KCNK10: variants seen among roughly 807,000 people sequenced by gnomAD.
KCNK10 encodes the protein potassium two pore domain channel subfamily K member 10, also known as potassium channel subfamily K member 10.
KCNK10 carries 25 observed loss-of-function variants against 47.7 expected under a neutral mutation model. That is an observed-to-expected ratio of 0.52 (90% CI 0.38 to 0.73). KCNK10 has a LOEUF of 0.73. Among genes scored for constraint, KCNK10 ranks in the 30% least tolerant of loss-of-function variants. KCNK10 has a pLI of 0.00. For synonymous variants in KCNK10, 303 were observed against 285.6 expected, an observed-to-expected ratio of 1.06 and a Z score of -0.61; for missense variants, 563 against 714.5, an observed-to-expected ratio of 0.79 and a Z score of 2.42.
intron 1 of KCNK10, among the ~76,000 whole-genome samples, chr14:88,310,766 A>AC (rs555133421): frequency 1.9e-4 from 29 of 152,204 alleles, no homozygotes; most frequent in African/African-American, 6.7e-4. Context: ...AAGGAGAAAT[A>AC]CCCCAATGTT....
At chr14:88,308,618 TGTACTCAA>T (rs1888249164) in intron 1 of KCNK10, among the ~76,000 whole-genome samples, 1 of 152,282 alleles carries the variant, frequency 6.6e-6, no homozygotes. Flanking sequence ...TCATGCAACG[TGTACTCAA>T]GTACCTCACA....
chr14:88,185,326 T>G lies in KCNK10; in HGVS notation c.*209A>C. 2.9e-6 allele frequency: 2 copies of G among 688,134 alleles called. No homozygotes were observed. Among genetic ancestry groups the G allele is most frequent in the East Asian group, 6.0e-5 (2 of 33,470 alleles). The allele number at this position is 688,134 out of a possible 1,614,324, so 42.6% of individuals were successfully genotyped here. A position where few individuals can be genotyped will look rare whatever the true frequency, so the allele number is the denominator to read the frequency against. ...GTGCACGGACACTCTTGGTGTGTCC[T>G]GCGTTTGCTATCTGAAATGAAGTTC... On this transcript the variant is annotated 3_prime_UTR_variant, in exon 7 of 7. Coordinates refer to ENST00000319231, the MANE Select transcript of KCNK10 (RefSeq NM_138317.3). This position sits in a 1 kb window ranked among gnomAD's most constrained non-coding sequence, Gnocchi z 4.3.
chr14:88,318,876 T>G (rs1352034243), intron 1 of KCNK10, among the ~76,000 whole-genome samples: 2 of 152,152 alleles, frequency 1.3e-5, no homozygotes, highest in Non-Finnish European at 2.9e-5. Flanking sequence ...AAATCCAAAG[T>G]TTTTTTACAC....
rs929041918 is a variant in KCNK10 at position 88,183,207 on chromosome 14, T to C, written c.*2328A>G. On this transcript the variant is annotated 3_prime_UTR_variant, in exon 7 of 7. Coordinates refer to ENST00000319231, the MANE Select transcript of KCNK10 (RefSeq NM_138317.3). ...GCTTCCCTGAGCCTCTGTGTCCTTG[T>C]GTATATAATGGGTTTGCAAATACTT... 6.6e-6 allele frequency: 1 copy of C among 152,238 alleles called. No individual in the cohort carries two copies. The highest frequency in any genetic ancestry group is 1.5e-5 in the Non-Finnish European group (1 of 68,044). The allele number at this position is 152,238 out of a possible 1,614,324, so 9.4% of individuals were successfully genotyped here.
At chr14:88,237,791 T>C (rs991300327) in intron 3 of KCNK10, among the ~76,000 whole-genome samples, 1 of 152,150 alleles carries the variant, frequency 6.6e-6, no homozygotes, top group Non-Finnish European at 1.5e-5. Flanking sequence ...GGCTTTGAAG[T>C]TCCATTTATA....
chr14:88,276,687 A>G (rs906593903), intron 1 of KCNK10, among the ~76,000 whole-genome samples: 2 of 152,334 alleles, frequency 1.3e-5, no homozygotes, highest in African/African-American at 4.8e-5. Flanking sequence ...ATATCCCTGT[A>G]TAATATTCCT....
chr14:88,204,777 AG>A (rs1885211529), intron 4 of KCNK10, among the ~76,000 whole-genome samples: 1 of 152,158 alleles, frequency 6.6e-6, no homozygotes, highest in South Asian at 2.1e-4. Flanking sequence ...ATTAAGAGAA[AG>A]GTACAGAGAT....
chr14:88,187,103 G>A (rs2139821150), intron 6 of KCNK10, among the ~76,000 whole-genome samples: 2 of 152,284 alleles, frequency 1.3e-5, no homozygotes, highest in Middle Eastern at 3.4e-3. Context: ...TCTGGAAATT[G>A]CATTGCTTAC....
intron 4 of KCNK10, among the ~76,000 whole-genome samples, chr14:88,197,858 G>GA (rs1160453153): frequency 1.9e-5 from 2 of 106,372 alleles, no homozygotes; most frequent in African/African-American, 7.9e-5. Flanking sequence ...AAGGAGGGAA[G>GA]GGAGAGAGAG....
At chr14:88,263,095 C>G in intron 2 of KCNK10, 107 bp downstream of exon 2, 1 of 882,678 alleles carries the variant, frequency 1.1e-6, no homozygotes, top group Non-Finnish European at 1.7e-6. Context: ...CTTCCCTGAC[C>G]ACCAAGAGCC....
intron 4 of KCNK10, among the ~76,000 whole-genome samples, chr14:88,195,153 A>G (rs1884871934): frequency 6.6e-6 from 1 of 152,098 alleles, no homozygotes; most frequent in South Asian, 2.1e-4. Context: ...GTAACTGTTC[A>G]CTGCTGCTGA....
intron 1 of KCNK10, among the ~76,000 whole-genome samples, chr14:88,272,168 A>G (rs1326026725): frequency 6.6e-6 from 1 of 152,180 alleles, no homozygotes; most frequent in Non-Finnish European, 1.5e-5. Context: ...AAGCAGTAGC[A>G]CTATTGGGAA....
At chr14:88,326,874 G>A (rs2139813594), upstream of KCNK10, 1 of 201,636 alleles carries the variant, frequency 5.0e-6, no homozygotes, top group South Asian at 9.1e-5. Flanking sequence ...CTCCAGCCCG[G>A]GGTAGCTGTG....
chr14:88,186,258 G>T lies in KCNK10; in HGVS notation c.1012-103C>A. The T allele has an allele frequency of 7.3e-7, 1 of 1,369,098 alleles. No homozygotes were observed. 84.8% of individuals were successfully genotyped at this position (1,369,098 alleles called of 1,614,324 possible). A position where few individuals can be genotyped will look rare whatever the true frequency, so the allele number is the denominator to read the frequency against. ...GGTGTCCCCACGGGGAGGCCAGGAG[G>T]TGACGGAGCACATGCCCAGGGGGAG... On this transcript the variant is annotated intron_variant, in intron 6 of 6. Transcript: ENST00000319231. This position sits in a 1 kb window ranked among gnomAD's most constrained non-coding sequence, Gnocchi z 5.5.
chr14:88,180,695 C>A lies in KCNK10; in HGVS notation c.*4840G>T. ...GTAAAATCAGAGACACCTCTCATTT[C>A]TCCTCAATGCCACTGCACTGATGTC... is the stretch of plus-strand genomic sequence containing the variant. On this transcript the variant is annotated 3_prime_UTR_variant, in exon 7 of 7. Coordinates refer to ENST00000319231, the MANE Select transcript of KCNK10 (RefSeq NM_138317.3). 2.5e-6 allele frequency: 1 copy of A among 398,552 alleles called. No individual in the cohort carries two copies. The allele number at this position is 398,552 out of a possible 1,614,324, so 24.7% of individuals were successfully genotyped here.
chr14:88,251,787 T>C (rs1886806488), intron 2 of KCNK10, among the ~76,000 whole-genome samples: 2 of 152,226 alleles, frequency 1.3e-5, no homozygotes, highest in African/African-American at 4.8e-5. Context: ...GCCAAATTGC[T>C]TTCTAAGTTC....
intron 2 of KCNK10, among the ~76,000 whole-genome samples, chr14:88,248,800 C>T (rs1333011766): frequency 1.3e-5 from 2 of 151,976 alleles, no homozygotes; most frequent in Non-Finnish European, 2.9e-5. Context: ...ACCAAATCTC[C>T]CTGAGCATAG....
chr14:88,240,381 T>C (rs919566260), intron 3 of KCNK10, among the ~76,000 whole-genome samples: 3 of 152,222 alleles, frequency 2.0e-5, no homozygotes, highest in Admixed American at 1.3e-4. Flanking sequence ...TTCCTTACTA[T>C]ATAACTTTAA....
At chr14:88,190,040 G>A (rs1884696481) in intron 5 of KCNK10, among the ~76,000 whole-genome samples, 1 of 152,136 alleles carries the variant, frequency 6.6e-6, no homozygotes, top group South Asian at 2.1e-4. Context: ...TGGATGCCTG[G>A]GACTGTGTAG....
Sources: allele counts gnomAD v4.1 joint callset (sites outside exome capture counted in the v4.1 genomes callset), GRCh38; gene constraint gnomAD v4.1.1; non-coding constraint Gnocchi (gnomAD v3.1); transcripts MANE v1.5; gene names NCBI Gene and HGNC (gene_info 2026-07-23, HGNC 2026-07-21).